The following BCL11A variants were observed in gnomAD, a reference collection of about 807,000 sequenced individuals.
The protein encoded by BCL11A is BCL11 transcription factor A.
Under a neutral mutation model 55.9 loss-of-function variants are expected in BCL11A, and 2 were observed. That is an observed-to-expected ratio of 0.04 (90% CI 0.01 to 0.11). The LOEUF (loss-of-function observed/expected upper bound fraction) is 0.11, where lower values mean the gene tolerates loss of function less well. Among genes scored for constraint, BCL11A ranks in the 10% least tolerant of loss-of-function variants. BCL11A has a pLI of 1.00. For synonymous variants in BCL11A, 465 were observed against 473.4 expected (o/e 0.98, Z 0.23); for missense variants, 817 against 1,137.1 (o/e 0.72, Z 4.05).
chr2:60,468,757 A>T lies in BCL11A; in HGVS notation c.462T>A (p.Ser154Arg). 6.2e-7 allele frequency: 1 copy of T among 1,612,610 alleles called. No homozygotes were observed. The highest frequency in any genetic ancestry group is 1.3e-5 in the African/African-American group (1 of 74,966). The change falls in exon 3 of 4, where the codon AGT becomes AGA. Residue 154 changes from serine (S) to arginine (R), a missense_variant. Physicochemically the swap from Ser to Arg is moderately radical, Grantham distance 110. Around this residue, in one of 4 missense-constraint regions of BCL11A, gnomAD observed 363 missense variants for 486.6 expected, o/e 0.75. Transcript: ENST00000642384. ...AAATACCCTGCGGGGCATATTCTGC[A>T]CTCATCCCAGGCGTGGGGATTAGAG... ...HGALIPTPGM[S>R]AEYAPQGICK...
chr2:60,451,607 A>G (rs755694364), exon 5 of BCL11A: 1 of 231,536 alleles, frequency 4.3e-6, no homozygotes, highest in Non-Finnish European at 8.5e-6. Context: ...TAAGTACTAA[A>G]GAAGTTTTAT....
chr2:60,490,801 C>A (rs984983584), intron 2 of BCL11A, among the ~76,000 whole-genome samples: 8 of 152,186 alleles, frequency 5.3e-5, no homozygotes, highest in African/African-American at 1.9e-4. Flanking sequence ...AGGAATTCAA[C>A]AAATAGCATA....
chr2:60,494,883 A>G (rs951582607), intron 2 of BCL11A, among the ~76,000 whole-genome samples: 3 of 152,122 alleles, frequency 2.0e-5, no homozygotes, highest in Non-Finnish European at 4.4e-5. Flanking sequence ...GAAAAGGGAG[A>G]GGAAAAAGGA....
At chr2:60,508,024 CCTAA>C (rs761737056) in intron 2 of BCL11A, among the ~76,000 whole-genome samples, 4 of 152,000 alleles carry the variant, frequency 2.6e-5, no homozygotes, top group Non-Finnish European at 5.9e-5. Flanking sequence ...CGGATAATGC[CCTAA>C]CTGAGCACGA....
chr2:60,469,503 A>C (rs536508877), intron 2 of BCL11A, among the ~76,000 whole-genome samples: 1 of 152,338 alleles, frequency 6.6e-6, no homozygotes, highest in Non-Finnish European at 1.5e-5. Flanking sequence ...TGGAAGATAA[A>C]GATTAGACTT....
intron 2 of BCL11A, among the ~76,000 whole-genome samples, chr2:60,514,331 G>A (rs946282073): frequency 1.4e-4 from 21 of 152,144 alleles, no homozygotes; most frequent in Non-Finnish European, 3.1e-4. Context: ...TTTCTGGGCA[G>A]TCCCAAGACT....
At chr2:60,517,136 C>A (rs1321622916) in intron 2 of BCL11A, among the ~76,000 whole-genome samples, 1 of 152,106 alleles carries the variant, frequency 6.6e-6, no homozygotes, top group African/African-American at 2.4e-5. Context: ...GGATTTCCTG[C>A]GATTGAGAGG....
Position 60,460,694 on chromosome 2 carries a change from G to C in BCL11A, c.2218C>G (p.Arg740Gly), listed in dbSNP as rs1454914006. The change falls in exon 4 of 4, where the codon CGC (arginine) becomes GGC (glycine). Residue 740 changes from arginine to glycine, a missense_variant. This residue lies in a region of BCL11A where 379 missense variants were observed against 425.3 expected (regional missense o/e 0.89). Transcript: ENST00000642384. Reference protein sequence around the residue: ...PGRPSSKEGRRSDTCEYCGKV... With the variant: ...PGRPSSKEGRGSDTCEYCGKV... ...CCACAGTACTCACAAGTGTCGCTGC[G>C]TCTGCCCTCTTTTGAGCTGGGCCTG... 6.2e-7 allele frequency: 1 copy of C among 1,614,182 alleles called. No individual in the cohort carries two copies.
chr2:60,479,848 T>G (rs928516851), intron 2 of BCL11A, among the ~76,000 whole-genome samples: 3 of 152,264 alleles, frequency 2.0e-5, no homozygotes, highest in South Asian at 4.1e-4. Flanking sequence ...CTTTTGATTT[T>G]ATTTTATTTT....
intron 2 of BCL11A, chr2:60,537,352 A>T (rs1669715852): frequency 6.6e-6 from 1 of 152,236 alleles, no homozygotes; most frequent in Non-Finnish European, 1.5e-5. Context: ...ACATTGGTTA[A>T]TGCATTGTTT....
At chr2:60,520,032 A>C (rs1388934496) in intron 2 of BCL11A, among the ~76,000 whole-genome samples, 1 of 152,134 alleles carries the variant, frequency 6.6e-6, no homozygotes, top group Non-Finnish European at 1.5e-5. Context: ...TTCGGCCTAA[A>C]TTTTCATTTA....
chr2:60,490,731 C>T (rs1292140590), intron 2 of BCL11A, among the ~76,000 whole-genome samples: 1 of 152,176 alleles, frequency 6.6e-6, no homozygotes, highest in Non-Finnish European at 1.5e-5. Flanking sequence ...CTTTCTCCTA[C>T]TTGCTTCTAT....
intron 2 of BCL11A, among the ~76,000 whole-genome samples, chr2:60,517,574 C>T (rs1668789556): frequency 6.6e-6 from 1 of 152,202 alleles, no homozygotes; most frequent in African/African-American, 2.4e-5. Flanking sequence ...CAGCCATCAC[C>T]GATAAAAGCG....
At chr2:60,503,611 C>G (rs896673943) in intron 2 of BCL11A, among the ~76,000 whole-genome samples, 2 of 152,166 alleles carry the variant, frequency 1.3e-5, no homozygotes, top group Non-Finnish European at 2.9e-5. Flanking sequence ...GCTTACAAAG[C>G]CTTGGTGGTT....
At chr2:60,457,189 C>G (rs923224345), downstream of BCL11A, 56 of 957,858 alleles carry the variant, frequency 5.8e-5, no homozygotes, top group Non-Finnish European at 6.1e-5. Flanking sequence ...AAGAAGCTTA[C>G]AATGTGTACT....
intron 2 of BCL11A, among the ~76,000 whole-genome samples, chr2:60,540,435 G>C (rs1428073560): frequency 6.6e-6 from 1 of 152,144 alleles, no homozygotes; most frequent in Non-Finnish European, 1.5e-5. Flanking sequence ...CGCAATCTTG[G>C]TGCATCTCCC....
At chr2:60,553,053 G>GT (rs1206229168) in intron 1 of BCL11A, among the ~76,000 whole-genome samples, 163 bp downstream of exon 1, 4 of 151,470 alleles carry the variant, frequency 2.6e-5, no homozygotes, top group African/African-American at 7.3e-5. Flanking sequence ...TGGGATGAGG[G>GT]TTTTTTCCCC....
intron 2 of BCL11A, among the ~76,000 whole-genome samples, chr2:60,488,550 T>G (rs1678423379): frequency 6.6e-6 from 1 of 152,344 alleles, no homozygotes; most frequent in East Asian, 1.9e-4. Flanking sequence ...TACAATTCAC[T>G]GGAAACCCTG....
At chr2:60,509,234 T>G (rs1339270843) in intron 2 of BCL11A, among the ~76,000 whole-genome samples, 2 of 152,220 alleles carry the variant, frequency 1.3e-5, no homozygotes, top group Non-Finnish European at 2.9e-5. Flanking sequence ...ATTCCAAGAA[T>G]TTTTTTACTT....
Sources: gnomAD v4.1 joint callset for allele counts (sites outside exome capture counted in the v4.1 genomes callset) on GRCh38, gnomAD v4.1.1 for gene constraint, gnomAD v4.1.1 regional missense constraint, MANE v1.5 for transcripts, NCBI Gene and HGNC (gene_info 2026-07-23, HGNC 2026-07-21) for gene names.